FRMD4B: variants seen among roughly 807,000 people sequenced by gnomAD.
FRMD4B encodes the protein FERM domain containing 4B, also known as FERM domain-containing protein 4B.
In FRMD4B, 74 loss-of-function variants were observed where a neutral mutation model predicts 141.5. That is an observed-to-expected ratio of 0.52 (90% CI 0.43 to 0.63). The LOEUF (loss-of-function observed/expected upper bound fraction) is 0.63, where lower values mean the gene tolerates loss of function less well. Among genes scored for constraint, FRMD4B ranks in the 30% least tolerant of loss-of-function variants. The pLI, the probability that FRMD4B is intolerant of heterozygous loss-of-function variation, is 0.00. For synonymous variants in FRMD4B, 506 were observed against 467.9 expected (o/e 1.08, Z -1.05); for missense variants, 1,366 against 1,253.4 (o/e 1.09, Z -1.36).
intron 1 of FRMD4B, among the ~76,000 whole-genome samples, chr3:69,321,641 T>C (rs1006259304): frequency 1.3e-5 from 2 of 152,196 alleles, no homozygotes; most frequent in Non-Finnish European, 2.9e-5. Context: ...CCGTGGTATA[T>C]AAATATCTGC....
chr3:69,279,688 TCCC>T (rs2093634818), intron 5 of FRMD4B, among the ~76,000 whole-genome samples: 1 of 23,134 alleles, frequency 4.3e-5, no homozygotes, highest in African/African-American at 1.0e-4. Flanking sequence ...CTCCTCCTCC[TCCC>T]CTCCTCCTTC....
chr3:69,334,024 C>T (rs958509575), intron 1 of FRMD4B: 3 of 152,192 alleles, frequency 2.0e-5, no homozygotes, highest in Admixed American at 6.5e-5. Context: ...CCATCTCTAA[C>T]AGGTCTCTCT....
chr3:69,215,482 G>T (rs557111155), intron 11 of FRMD4B, among the ~76,000 whole-genome samples: 20 of 151,404 alleles, frequency 1.3e-4, no homozygotes, highest in Non-Finnish European at 2.5e-4. Flanking sequence ...TAGTAGAGAC[G>T]GGGTTACACC....
chr3:69,225,576 T>C (rs1559732823), intron 7 of FRMD4B, among the ~76,000 whole-genome samples: 1 of 141,520 alleles, frequency 7.1e-6, no homozygotes. Flanking sequence ...GTGCCTATAG[T>C]CCCAGCTACT....
intron 4 of FRMD4B, among the ~76,000 whole-genome samples, chr3:69,289,352 G>A (rs988985999): frequency 5.9e-5 from 9 of 152,138 alleles, no homozygotes; most frequent in African/African-American, 2.2e-4. Context: ...GGTCTAGAGA[G>A]GCATTAAAAT....
intron 5 of FRMD4B, among the ~76,000 whole-genome samples, chr3:69,262,659 A>AT (rs958156286): frequency 3.0e-4 from 45 of 150,366 alleles, no homozygotes; most frequent in African/African-American, 1.0e-3. Flanking sequence ...GGGTGTCTCC[A>AT]TGTTGGTCAG....
intron 2 of FRMD4B, among the ~76,000 whole-genome samples, chr3:69,414,104 T>C (rs968409308): frequency 6.6e-6 from 1 of 152,132 alleles, no homozygotes; most frequent in African/African-American, 2.4e-5. Context: ...AACTAGAAAA[T>C]ATCATACAGC....
intron 1 of FRMD4B, among the ~76,000 whole-genome samples, chr3:69,364,543 T>C (rs9868990): frequency 0.71 from 108,471 of 152,096 alleles, 39,336 homozygotes; most frequent in African/African-American, 0.83. Context: ...AAAGTCTATA[T>C]ACAAACAAAT....
At chr3:69,472,569 T>C in intron 1 of FRMD4B, 1 of 217,936 alleles carries the variant, frequency 4.6e-6, no homozygotes, top group Non-Finnish European at 9.4e-6. Flanking sequence ...ACCAAAATGT[T>C]ACAGTTTTGC....
At chr3:69,242,394 T>C (rs2093390830) in intron 7 of FRMD4B, among the ~76,000 whole-genome samples, 1 of 151,166 alleles carries the variant, frequency 6.6e-6, no homozygotes, top group Non-Finnish European at 1.5e-5. Flanking sequence ...AAGGGGCAAA[T>C]TTCTTGAAAG....
intron 2 of FRMD4B, among the ~76,000 whole-genome samples, chr3:69,395,173 T>TAA (rs891692479): frequency 1.3e-5 from 2 of 151,966 alleles, no homozygotes; most frequent in Non-Finnish European, 2.9e-5. Context: ...TCCCAGAACT[T>TAA]AAAGTAAAAT....
chr3:69,193,105 G>A lies in FRMD4B; in HGVS notation c.1714+543C>T, dbSNP rs115624671. ...CAAAGTGCTGGGATTATAGGTGTGG[G>A]GCGCCATGCTCGTGCTGCCCATATC... is the stretch of plus-strand genomic sequence containing the variant. On this transcript the variant is annotated intron_variant, in intron 17 of 22. Coordinates refer to ENST00000398540, the MANE Select transcript of FRMD4B (RefSeq NM_015123.3). Among the ~76,000 whole-genome samples the A allele has an allele frequency of 5.8e-3, 889 of 152,098 alleles. 7 individuals carry two copies. Among genetic ancestry groups the A allele is most frequent in the African/African-American group, 0.02 (834 of 41,472 alleles).
chr3:69,270,040 G>C (rs1022733100), intron 5 of FRMD4B, among the ~76,000 whole-genome samples: 7 of 147,188 alleles, frequency 4.8e-5, no homozygotes, highest in Admixed American at 2.7e-4. Flanking sequence ...TTTTAGAGAC[G>C]GGTTCTTGCT....
chr3:69,285,424 A>C (rs1473306409), intron 5 of FRMD4B, among the ~76,000 whole-genome samples: 2 of 152,034 alleles, frequency 1.3e-5, no homozygotes, highest in Non-Finnish European at 2.9e-5. Flanking sequence ...AACCTGAAGA[A>C]ATAACGGCTA....
intron 5 of FRMD4B, among the ~76,000 whole-genome samples, chr3:69,251,370 C>T (rs1283642633): frequency 1.3e-5 from 2 of 152,244 alleles, no homozygotes; most frequent in East Asian, 1.9e-4. Context: ...GACAGGTTCA[C>T]AGAGGTAGTT....
intron 22 of FRMD4B, among the ~76,000 whole-genome samples, chr3:69,172,594 A>G (rs1037751683): frequency 6.6e-6 from 1 of 152,254 alleles, no homozygotes; most frequent in Non-Finnish European, 1.5e-5. Flanking sequence ...TGCTTTCCTC[A>G]GGGACAAAAT....
chr3:69,215,227 G>C (rs964248428), intron 11 of FRMD4B, among the ~76,000 whole-genome samples: 1 of 144,494 alleles, frequency 6.9e-6, no homozygotes, highest in Non-Finnish European at 1.5e-5. Flanking sequence ...AATTTTAAAT[G>C]GACATTAATG....
chr3:69,196,798 G>C (rs9860235), intron 13 of FRMD4B, 102 bp downstream of exon 13: 802,441 of 899,818 alleles, frequency 0.89, 365,427 homozygotes, highest in Non-Finnish European at 0.95. Context: ...AAATCTCAGA[G>C]AGCAAAAATA....
chr3:69,502,379 A>G (rs1706512854), intron 1 of FRMD4B, among the ~76,000 whole-genome samples: 1 of 152,208 alleles, frequency 6.6e-6, no homozygotes, highest in Non-Finnish European at 1.5e-5. Flanking sequence ...ATAATACCAC[A>G]CATCTACAGC....
Sources: allele counts gnomAD v4.1 joint callset (sites outside exome capture counted in the v4.1 genomes callset), GRCh38; gene constraint gnomAD v4.1.1; transcripts MANE v1.5; gene names NCBI Gene and HGNC (gene_info 2026-07-23, HGNC 2026-07-21).